The following DCDC2 variants were observed in gnomAD, a reference collection of about 807,000 sequenced individuals.
DCDC2 encodes the protein doublecortin domain-containing protein 2.
A neutral mutation model predicts 50.2 loss-of-function variants in DCDC2; 40 were observed. That is an observed-to-expected ratio of 0.80 (90% CI 0.62 to 1.04). The LOEUF is 1.04. Among genes scored for constraint, DCDC2 ranks in the 50% least tolerant of loss-of-function variants. The probability of loss-of-function intolerance (pLI) is 0.00; values close to 1 mark genes in which losing one functional copy is unlikely to be tolerated. For synonymous variants in DCDC2, 234 were observed against 210.6 expected (o/e 1.11, Z -0.96); for missense variants, 570 against 581.9 (o/e 0.98, Z 0.21).
chr6:24,202,819 CA>C (rs1761617514), intron 8 of DCDC2, among the ~76,000 whole-genome samples: 1 of 152,116 alleles, frequency 6.6e-6, no homozygotes, highest in African/African-American at 2.4e-5. Context: ...GCAAAAATCA[CA>C]AGCATTCCTA....
chr6:24,271,356 C>T (rs1185744414), intron 7 of DCDC2, among the ~76,000 whole-genome samples: 1 of 152,016 alleles, frequency 6.6e-6, no homozygotes, highest in Non-Finnish European at 1.5e-5. Flanking sequence ...AGCAAAGAGG[C>T]CCTGCTTAGA....
chr6:24,224,021 C>T (rs1762172108), intron 7 of DCDC2, among the ~76,000 whole-genome samples: 1 of 152,154 alleles, frequency 6.6e-6, no homozygotes, highest in African/African-American at 2.4e-5. Context: ...TCTGGATCAA[C>T]TGCAGATGCC....
At chr6:24,303,235 G>T (rs79862614) in intron 2 of DCDC2, among the ~76,000 whole-genome samples, 4,888 of 151,852 alleles carry the variant, frequency 0.032, 228 homozygotes, top group African/African-American at 0.11. Context: ...GGCTTCTGCC[G>T]TCTGGTGTCC....
At chr6:24,213,362 A>G (rs562645449) in intron 7 of DCDC2, among the ~76,000 whole-genome samples, 1 of 152,298 alleles carries the variant, frequency 6.6e-6, no homozygotes, top group African/African-American at 2.4e-5. Context: ...CAAAGTGTTA[A>G]TTTTTAAAAG....
intron 8 of DCDC2, 146 bp from the exon 9 acceptor site, chr6:24,178,778 C>T (rs1364278190): frequency 2.6e-5 from 19 of 732,668 alleles, no homozygotes; most frequent in Non-Finnish European, 3.9e-5. Context: ...AACGCACTTA[C>T]GTTTACTGAG....
At chr6:24,209,676 T>C (rs1426524815) in intron 7 of DCDC2, among the ~76,000 whole-genome samples, 1 of 152,236 alleles carries the variant, frequency 6.6e-6, no homozygotes, top group East Asian at 1.9e-4. Context: ...TCTTGAGTTT[T>C]AGCAATTTTG....
the DCDC2 span, among the ~76,000 whole-genome samples, chr6:24,369,140 A>AAAAAAAAAAAAAC: frequency 2.6e-5 from 4 of 150,944 alleles, no homozygotes; most frequent in African/African-American, 9.8e-5. Context: ...TCTCAAAAAA[A>AAAAAAAAAAAAAC]AAAAAAAAAA....
intron 2 of DCDC2, among the ~76,000 whole-genome samples, chr6:24,329,916 A>G (rs1759937025): frequency 6.6e-6 from 1 of 152,176 alleles, no homozygotes; most frequent in Non-Finnish European, 1.5e-5. Flanking sequence ...ATACTGGAGG[A>G]AAAACACATT....
intron 8 of DCDC2, among the ~76,000 whole-genome samples, chr6:24,189,399 A>G (rs1425410529): frequency 1.3e-5 from 2 of 152,212 alleles, no homozygotes; most frequent in African/African-American, 2.4e-5. Context: ...GAAAGCATCA[A>G]TTACTTGGAA....
chr6:24,357,545 C>T lies in DCDC2; in HGVS notation c.206G>A (p.Arg69Gln), dbSNP rs568449358. Reference sequence around the variant, plus strand: ...TAGCTTCCGGATTCGGTGGCCAGTCCGCGGGGTGTAGATGTTCCTGACGGC... The same window carrying T: ...TAGCTTCCGGATTCGGTGGCCAGTCTGCGGGGTGTAGATGTTCCTGACGGC... ...FGAVRNIYTP[R>Q]TGHRIRKLDQ... Residue 69 changes from arginine to glutamine, a missense_variant, in exon 1 of 10, where the codon CGG (arginine) becomes CAG (glutamine). Transcript: ENST00000378454. 1.2e-4 allele frequency: 186 copies of T among 1,613,542 alleles called. 2 individuals are homozygous for T. The South Asian group carries it at 1.9e-3, about 16-fold the overall frequency.
chr6:24,216,683 G>A (rs1309804442), intron 7 of DCDC2, among the ~76,000 whole-genome samples: 1 of 152,240 alleles, frequency 6.6e-6, no homozygotes, highest in Non-Finnish European at 1.5e-5. Context: ...ACAGATGTCA[G>A]CACCATAAAG....
At position 24,178,419 on chromosome 6, in the gene DCDC2, C is replaced by T. The variant is rs771499861; in HGVS notation, c.1237G>A (p.Gly413Ser). 1.5e-5 allele frequency: 25 copies of T among 1,614,046 alleles called. No individual in the cohort carries two copies. In the East Asian group the frequency reaches 4.9e-4, roughly 32 times the overall value. ...TTATTAACCTGCTGCAGCTCCTCAC[C>T]ATTCTCCTCATCGGTGCCTCCATTT... is the stretch of plus-strand genomic sequence containing the variant. ...RVNGGTDEEN[G>S]EELQQVNNEL... Residue 413 changes from glycine (G) to serine (S), a missense_variant, in exon 9 of 10, where the codon GGT becomes AGT. Gly to Ser is a moderately conservative substitution (Grantham distance 56). Transcript: ENST00000378454.
At chr6:24,353,458 T>C (rs1271580040) in intron 2 of DCDC2, 111 bp downstream of exon 2, 1 of 689,406 alleles carries the variant, frequency 1.5e-6, no homozygotes, top group Non-Finnish European at 2.6e-6. Context: ...TTCCATTTCT[T>C]TACATTAGAG....
At chr6:24,310,270 G>A (rs1759548684) in intron 2 of DCDC2, among the ~76,000 whole-genome samples, 2 of 151,876 alleles carry the variant, frequency 1.3e-5, no homozygotes, top group African/African-American at 2.4e-5. Context: ...TAAGAAAATC[G>A]AGCTCCAAAA....
chr6:24,185,993 T>C (rs1429448303), intron 8 of DCDC2, among the ~76,000 whole-genome samples: 5 of 152,216 alleles, frequency 3.3e-5, no homozygotes, highest in African/African-American at 1.2e-4. Flanking sequence ...GTCTGATTCA[T>C]ATGGACTAAT....
intron 2 of DCDC2, among the ~76,000 whole-genome samples, chr6:24,337,770 C>A (rs1215668591): frequency 7.0e-6 from 1 of 142,782 alleles, no homozygotes; most frequent in African/African-American, 2.6e-5. Flanking sequence ...CGTACTCCAG[C>A]CTGGGCCATA....
At chr6:24,208,363 C>CAT (rs1761771307) in intron 7 of DCDC2, among the ~76,000 whole-genome samples, 1 of 84,422 alleles carries the variant, frequency 1.2e-5, no homozygotes, top group Non-Finnish European at 2.1e-5. Context: ...CTCTGTGCTA[C>CAT]TTTTTTTTTT....
chr6:24,217,386 C>T (rs1046024937), intron 7 of DCDC2, among the ~76,000 whole-genome samples: 2 of 152,238 alleles, frequency 1.3e-5, no homozygotes, highest in Non-Finnish European at 2.9e-5. Flanking sequence ...AAGGCTCCAA[C>T]ATTCACTTTC....
chr6:24,281,432 C>T (rs562787966), intron 6 of DCDC2, among the ~76,000 whole-genome samples: 3 of 143,112 alleles, frequency 2.1e-5, no homozygotes, highest in Non-Finnish European at 4.5e-5. Flanking sequence ...ACCTCAGCCT[C>T]CTCAATAGCT....
Sources: allele counts gnomAD v4.1 joint callset (sites outside exome capture counted in the v4.1 genomes callset), GRCh38; gene constraint gnomAD v4.1.1; transcripts MANE v1.5; gene names NCBI Gene and HGNC (gene_info 2026-07-23, HGNC 2026-07-21).